Variants in ADAMTS3 observed in about 807,000 individuals in gnomAD.
The protein encoded by ADAMTS3 is A disintegrin and metalloproteinase with thrombospondin motifs 3.
Under a neutral mutation model 129.0 loss-of-function variants are expected in ADAMTS3, and 73 were observed. The ratio of observed to expected loss-of-function variants is 0.57; its 90% confidence interval spans 0.47 to 0.69. ADAMTS3 has a LOEUF of 0.69. Ranked by LOEUF, ADAMTS3 falls within the 30% of genes least tolerant of loss-of-function variation. The pLI is 0.00. For missense variants in ADAMTS3, 1,457 were observed against 1,514.5 expected, an observed-to-expected ratio of 0.96 and a Z score of 0.63; for synonymous variants, 477 against 510.8, an observed-to-expected ratio of 0.93 and a Z score of 0.89.
intron 5 of ADAMTS3, among the ~76,000 whole-genome samples, chr4:72,325,173 A>AT (rs932255634): frequency 6.6e-6 from 1 of 152,176 alleles, no homozygotes; most frequent in Admixed American, 6.5e-5. Flanking sequence ...TTCATTGTAT[A>AT]TATCTATAGA....
intron 3 of ADAMTS3, among the ~76,000 whole-genome samples, chr4:72,455,461 C>A (rs886866785): frequency 6.6e-6 from 1 of 151,128 alleles, no homozygotes; most frequent in Non-Finnish European, 1.5e-5. Context: ...ACATCACGCA[C>A]CAGGGCCTAT....
chr4:72,519,918 T>C (rs1405451099), intron 3 of ADAMTS3, among the ~76,000 whole-genome samples: 3 of 152,138 alleles, frequency 2.0e-5, no homozygotes, highest in Admixed American at 6.6e-5. Context: ...GGCACTCTGC[T>C]TTTTAGAGTT....
Position 72,303,959 on chromosome 4 carries a change from A to G in ADAMTS3, c.2382T>C (p.Ser794=). ...CATGTAAAGGTCCATCGGTGTGAAG[A>G]CTTTCAATGTCATCTTCAATGTTAT... is the stretch of plus-strand genomic sequence containing the variant. ...WDYNIEDDIE[S]LHTDGPLHDP... is the part of the protein sequence containing the mutation. The change falls in exon 17 of 22, where the codon AGT becomes AGC. Residue 794 remains serine (S), a synonymous_variant. Transcript: ENST00000286657. 4 of 1,613,688 alleles carry G rather than the reference A, an allele frequency of 2.5e-6. No homozygotes were observed. The highest frequency in any genetic ancestry group is 3.4e-6 in the Non-Finnish European group (4 of 1,179,706).
At chr4:72,451,193 CAGG>C (rs1718394956) in intron 3 of ADAMTS3, among the ~76,000 whole-genome samples, 1 of 151,602 alleles carries the variant, frequency 6.6e-6, no homozygotes, top group Admixed American at 6.6e-5. Flanking sequence ...GTATCTAAAA[CAGG>C]AGAAGATCAA....
At position 72,313,814 on chromosome 4, in the gene ADAMTS3, A is replaced by C; in HGVS notation, c.1608T>G (p.Tyr536Ter). 6.2e-7 allele frequency: 1 copy of C among 1,613,722 alleles called. No homozygotes were observed. Among genetic ancestry groups the C allele is most frequent in the Non-Finnish European group, 8.5e-7 (1 of 1,179,750 alleles). The part of the protein sequence containing the change: ...GTECAAGKWC[Y>*]KGHCMWKNAN... ...CATTCTTCCACATGCAATGACCCTTATAGCACCACTTAGAAAAATGACAAA... is the reference window on the plus strand; with the variant it reads ...CATTCTTCCACATGCAATGACCCTTCTAGCACCACTTAGAAAAATGACAAA... The change falls in exon 12 of 22, where the codon TAT (tyrosine) becomes TAG (stop). Residue 536 changes from tyrosine (Y) to a stop codon, truncating the protein, a stop_gained. Transcript: ENST00000286657. LOFTEE classifies it high-confidence loss of function.
intron 3 of ADAMTS3, among the ~76,000 whole-genome samples, chr4:72,546,348 GGA>G (rs1222527300): frequency 6.6e-6 from 1 of 152,038 alleles, no homozygotes; most frequent in Non-Finnish European, 1.5e-5. Context: ...AAGTCAGGAG[GGA>G]GAGTGTTTTG....
intron 4 of ADAMTS3, among the ~76,000 whole-genome samples, chr4:72,376,387 C>A (rs573586118): frequency 2.1e-4 from 32 of 152,246 alleles, no homozygotes; most frequent in Non-Finnish European, 4.4e-4. Flanking sequence ...TTAACCATCA[C>A]AGACTACACA....
rs926615635 is a variant in ADAMTS3, at chr4:72,569,043, C to T, written c.-281G>A. On this transcript the variant is annotated 5_prime_UTR_variant, in exon 1 of 22. Transcript: ENST00000286657. ...GTGCTGTAAGCGGGCACAGGCTAAGCCTGGGAGAGGGGGAAGGGACGAGGG... is the reference window on the plus strand; with the variant it reads ...GTGCTGTAAGCGGGCACAGGCTAAGTCTGGGAGAGGGGGAAGGGACGAGGG... 8 of 502,318 alleles carry T rather than the reference C, an allele frequency of 1.6e-5. No individual in the cohort carries two copies. The East Asian group carries it at 1.7e-4, about 11-fold the overall frequency. The allele number at this position is 502,318 out of a possible 1,614,324, so 31.1% of individuals were successfully genotyped here. A position where few individuals can be genotyped will look rare whatever the true frequency, so the allele number is the denominator to read the frequency against.
intron 3 of ADAMTS3, among the ~76,000 whole-genome samples, chr4:72,542,120 C>T (rs1721346927): frequency 6.6e-6 from 1 of 151,994 alleles, no homozygotes; most frequent in South Asian, 2.1e-4. Context: ...CATGTCTCAT[C>T]CTAAGAAGTA....
intron 13 of ADAMTS3, among the ~76,000 whole-genome samples, chr4:72,311,909 T>G (rs1206899770): frequency 6.6e-6 from 1 of 152,154 alleles, no homozygotes; most frequent in East Asian, 1.9e-4. Flanking sequence ...GATCTTTCTC[T>G]TGGTCCTGAC....
intron 4 of ADAMTS3, among the ~76,000 whole-genome samples, chr4:72,373,459 GAAT>G: frequency 6.6e-6 from 1 of 152,166 alleles, no homozygotes; most frequent in Non-Finnish European, 1.5e-5. Flanking sequence ...CAATAAGGAA[GAAT>G]AAACTATACC....
intron 19 of ADAMTS3, 51 bp downstream of exon 19, chr4:72,295,603 G>A (rs1212971423): frequency 1.3e-6 from 2 of 1,568,228 alleles, no homozygotes; most frequent in East Asian, 2.3e-5. Flanking sequence ...GCTAAAGGCA[G>A]TGAAGTCCTG....
chr4:72,401,757 T>C (rs2109909716), intron 4 of ADAMTS3, among the ~76,000 whole-genome samples: 1 of 152,120 alleles, frequency 6.6e-6, no homozygotes, highest in South Asian at 2.1e-4. Flanking sequence ...TATTGACAGC[T>C]TACTAAGAAA....
chr4:72,283,680 G>A lies in ADAMTS3; in HGVS notation c.3074C>T (p.Ser1025Phe). 6.3e-7 allele frequency: 1 copy of A among 1,593,728 alleles called. No individual in the cohort carries two copies. The highest frequency in any genetic ancestry group is 8.6e-7 in the Non-Finnish European group (1 of 1,166,292). The change falls in exon 22 of 22, where the codon TCC becomes TTC. Residue 1025 changes from serine to phenylalanine, a missense_variant. Coordinates refer to ENST00000286657, the MANE Select transcript of ADAMTS3 (RefSeq NM_014243.3). Reference sequence around the variant, plus strand: ...CAACACTTCCATTTGACAGAATATGGACTTGTCTCCCAAACATGGTTCATC... The same window carrying A: ...CAACACTTCCATTTGACAGAATATGAACTTGTCTCCCAAACATGGTTCATC... ...CNDEPCLGDK[S>F]IFCQMEVLAR...
intron 2 of ADAMTS3, among the ~76,000 whole-genome samples, chr4:72,565,631 G>A (rs1722003656): frequency 6.6e-6 from 1 of 152,150 alleles, no homozygotes; most frequent in African/African-American, 2.4e-5. Flanking sequence ...ATAAAAGAGA[G>A]AAATCCCATA....
At chr4:72,412,670 C>T (rs570024656) in intron 4 of ADAMTS3, among the ~76,000 whole-genome samples, 5 of 152,094 alleles carry the variant, frequency 3.3e-5, no homozygotes, top group African/African-American at 9.6e-5. Context: ...CTCATATTAA[C>T]GTTTATCATG....
chr4:72,386,806 A>C (rs893772240), intron 4 of ADAMTS3, among the ~76,000 whole-genome samples: 1 of 152,190 alleles, frequency 6.6e-6, no homozygotes, highest in African/African-American at 2.4e-5. Context: ...ATTCCATCAA[A>C]GATAATCAAG....
rs530584905 is a variant in ADAMTS3 at position 72,301,002 on chromosome 4, T to C, written c.2425-2560A>G. ...GCCAGTTAAGTGGTGTCCAGATACATGTTCCACAGAAACTATAAGTATTGC... is the reference window on the plus strand; with the variant it reads ...GCCAGTTAAGTGGTGTCCAGATACACGTTCCACAGAAACTATAAGTATTGC... On this transcript the variant is annotated intron_variant, in intron 17 of 21. Coordinates refer to ENST00000286657, the MANE Select transcript of ADAMTS3 (RefSeq NM_014243.3). Among the ~76,000 whole-genome samples the C allele has an allele frequency of 1.1e-3, 166 of 152,300 alleles. 1 individual carries two copies. Among genetic ancestry groups the C allele is most frequent in the African/African-American group, 3.9e-3 (161 of 41,578 alleles).
intron 20 of ADAMTS3, among the ~76,000 whole-genome samples, chr4:72,290,405 A>C (rs920524807): frequency 1.3e-5 from 2 of 152,078 alleles, no homozygotes; most frequent in Non-Finnish European, 2.9e-5. Flanking sequence ...AGGTAGGAGG[A>C]GGGGGAGTAC....
Sources: gnomAD v4.1 joint callset for allele counts (sites outside exome capture counted in the v4.1 genomes callset) on GRCh38, gnomAD v4.1.1 for gene constraint, MANE v1.5 for transcripts, NCBI Gene and HGNC (gene_info 2026-07-23, HGNC 2026-07-21) for gene names.